Variants in PCDH15 observed in about 807,000 individuals in gnomAD.
PCDH15 encodes protocadherin related 15.
Under a neutral mutation model 178.5 loss-of-function variants are expected in PCDH15, and 129 were observed. That is an observed-to-expected ratio of 0.72 (90% confidence interval 0.63 to 0.84). The LOEUF (loss-of-function observed/expected upper bound fraction) is 0.84. PCDH15 is among the 40% of genes least tolerant of loss of function. The pLI is 0.00. For synonymous variants in PCDH15, 800 were observed against 732.0 expected, an observed-to-expected ratio of 1.09 and a Z score of -1.50; for missense variants, 2,230 against 2,099.9, an observed-to-expected ratio of 1.06 and a Z score of -1.21.
At chr10:54,019,688 C>T in intron 20 of PCDH15, among the ~76,000 whole-genome samples, 1 of 152,028 alleles carries the variant, frequency 6.6e-6, no homozygotes, top group East Asian at 1.9e-4. Context: ...TTAACAAAGT[C>T]CCCAAGGTCA....
At chr10:54,235,008 T>C (rs1301724624) in intron 9 of PCDH15, among the ~76,000 whole-genome samples, 2 of 152,216 alleles carry the variant, frequency 1.3e-5, no homozygotes, top group Non-Finnish European at 2.9e-5. Context: ...GCCCCCTTGT[T>C]GTTTCTGAAA....
intron 1 of PCDH15, among the ~76,000 whole-genome samples, chr10:54,703,179 C>G (rs966005134): frequency 1.4e-4 from 22 of 151,920 alleles, no homozygotes; most frequent in African/African-American, 5.1e-4. Flanking sequence ...ATTCAGCAGC[C>G]CTTGAGGTTA....
chr10:54,892,786 A>G (rs1298351202), intron 3 of PCDH15, among the ~76,000 whole-genome samples: 1 of 151,094 alleles, frequency 6.6e-6, no homozygotes, highest in Non-Finnish European at 1.5e-5. Flanking sequence ...GCTGGAGTGC[A>G]ATGGATCTTG....
At chr10:54,104,787 A>C (rs1435899205) in intron 15 of PCDH15, among the ~76,000 whole-genome samples, 2 of 147,290 alleles carry the variant, frequency 1.4e-5, no homozygotes, top group Non-Finnish European at 1.5e-5. Context: ...CAGAGAGCCA[A>C]GATCGCGCCA....
intron 25 of PCDH15, among the ~76,000 whole-genome samples, chr10:53,930,793 G>A (rs955704928): frequency 6.6e-6 from 1 of 152,124 alleles, no homozygotes; most frequent in Non-Finnish European, 1.5e-5. Context: ...CAATCAGGGA[G>A]ATGGATTTGA....
chr10:54,434,669 C>A (rs186912587), intron 3 of PCDH15, among the ~76,000 whole-genome samples: 1 of 152,318 alleles, frequency 6.6e-6, no homozygotes, highest in East Asian at 1.9e-4. Context: ...TTCTTAGAAA[C>A]TATGCCTATC....
chr10:55,194,096 T>C (rs1840017173), intron 1 of PCDH15, among the ~76,000 whole-genome samples: 1 of 152,046 alleles, frequency 6.6e-6, no homozygotes, highest in African/African-American at 2.4e-5. Context: ...ATTCTCACCA[T>C]CTTACATATT....
At chr10:54,554,175 C>G (rs2086913534) in intron 2 of PCDH15, among the ~76,000 whole-genome samples, 2 of 152,074 alleles carry the variant, frequency 1.3e-5, no homozygotes. Flanking sequence ...ACTCAATACC[C>G]TTTTGCCTTA....
rs779197038 is a variant in PCDH15 at position 54,020,294 on chromosome 10, C to G, written c.2649G>C (p.Glu883Asp). The change falls in exon 20 of 38, where the codon GAG becomes GAC. Residue 883 changes from glutamate to aspartate, a missense_variant. Coordinates refer to ENST00000644397, the MANE Select transcript of PCDH15 (RefSeq NM_001384140.1). ...TACTTGCTTCTTGGTCTGGAAATGC[C>G]TCATAATCTAAACTCCTTAAAAGCG... Reference protein sequence around the residue: ...ELSLLRSLDYEAFPDQEASIT... With the variant: ...ELSLLRSLDYDAFPDQEASIT... 1 of 1,613,712 alleles carries G rather than the reference C, an allele frequency of 6.2e-7. No individual in the cohort carries two copies. The highest frequency in any genetic ancestry group is 8.5e-7 in the Non-Finnish European group (1 of 1,179,788).
intron 6 of PCDH15, among the ~76,000 whole-genome samples, chr10:54,341,451 C>T (rs1343035985): frequency 1.3e-5 from 2 of 152,132 alleles, no homozygotes; most frequent in East Asian, 3.9e-4. Flanking sequence ...CTGAGGTGTC[C>T]CTAGCCATTC....
intron 2 of PCDH15, among the ~76,000 whole-genome samples, chr10:55,490,834 G>A (rs945302954): frequency 6.6e-6 from 1 of 151,630 alleles, no homozygotes; most frequent in South Asian, 2.1e-4. Context: ...ATAAAATCAC[G>A]TTAAAGCATG....
chr10:54,937,714 C>T (rs1476190093), intron 2 of PCDH15, among the ~76,000 whole-genome samples: 5 of 151,846 alleles, frequency 3.3e-5, no homozygotes, highest in African/African-American at 1.2e-4. Flanking sequence ...GTAATAATCA[C>T]CACTAAATTA....
chr10:54,038,893 C>A (rs907716620), intron 18 of PCDH15, among the ~76,000 whole-genome samples: 2 of 152,020 alleles, frequency 1.3e-5, no homozygotes, highest in East Asian at 3.9e-4. Flanking sequence ...TCAAATGAAA[C>A]AGCCAGCTAC....
chr10:55,060,092 G>C (rs953489138), intron 2 of PCDH15, among the ~76,000 whole-genome samples: 1 of 151,878 alleles, frequency 6.6e-6, no homozygotes, highest in Non-Finnish European at 1.5e-5. Context: ...TGTAATAATA[G>C]AATACACATA....
chr10:55,151,811 G>T (rs1260959279), intron 2 of PCDH15, among the ~76,000 whole-genome samples: 1 of 152,046 alleles, frequency 6.6e-6, no homozygotes, highest in Non-Finnish European at 1.5e-5. Context: ...GAAAAGCCAT[G>T]ATTCCAATTC....
intron 2 of PCDH15, among the ~76,000 whole-genome samples, chr10:54,934,202 C>T (rs1837849678): frequency 6.6e-6 from 1 of 151,628 alleles, no homozygotes; most frequent in Non-Finnish European, 1.5e-5. Flanking sequence ...TTTATTTTTC[C>T]CTTGTGTGTC....
chr10:55,413,597 A>G (rs1007611679), intron 2 of PCDH15, among the ~76,000 whole-genome samples: 6 of 151,770 alleles, frequency 4.0e-5, no homozygotes, highest in Non-Finnish European at 5.9e-5. Context: ...TAAACAAAAG[A>G]GACTCAGTTA....
chr10:54,204,155 A>G lies in PCDH15; in HGVS notation c.1099-8266T>C, dbSNP rs573554336. On this transcript the variant is annotated intron_variant, in intron 10 of 37. Transcript: ENST00000644397. The stretch of plus-strand genomic sequence containing the variant: ...TGAATTACTTGTACTTTTATTTTGA[A>G]ATCAAAATGTTAATAAAAGTCTCAG... 2.6e-5 allele frequency among the ~76,000 whole-genome samples: 4 copies of G among 152,246 alleles called. No individual in the cohort carries two copies. The South Asian group carries it at 8.3e-4, about 32-fold the overall frequency.
chr10:54,202,797 A>G (rs1023102968), intron 10 of PCDH15, among the ~76,000 whole-genome samples: 9 of 130,444 alleles, frequency 6.9e-5, no homozygotes, highest in African/African-American at 2.6e-4. Context: ...GAGCAACAAG[A>G]GCGAAACCCC....
Sources: gnomAD v4.1 joint callset for allele counts (sites outside exome capture counted in the v4.1 genomes callset) on GRCh38, gnomAD v4.1.1 for gene constraint, MANE v1.5 for transcripts, NCBI Gene and HGNC (gene_info 2026-07-23, HGNC 2026-07-21) for gene names.